The following TOM1L2 variants were observed in gnomAD, a reference collection of about 807,000 sequenced individuals.
TOM1L2 encodes target of myb1 like 2 membrane trafficking protein, also known as TOM1-like protein 2.
A neutral mutation model predicts 67.9 loss-of-function variants in TOM1L2; 31 were observed. The observed-to-expected ratio is 0.46, with a 90% confidence interval of 0.34 to 0.62. The LOEUF (loss-of-function observed/expected upper bound fraction) is 0.62, where lower values mean the gene tolerates loss of function less well. TOM1L2 is among the 20% of genes least tolerant of loss of function. The pLI is 0.01. For missense variants in TOM1L2, 606 were observed against 663.5 expected, an observed-to-expected ratio of 0.91 and a Z score of 0.95; for synonymous variants, 256 against 254.0, an observed-to-expected ratio of 1.01 and a Z score of -0.07.
chr17:17,881,065 C>G (rs866909370), intron 6 of TOM1L2, among the ~76,000 whole-genome samples: 3 of 152,196 alleles, frequency 2.0e-5, no homozygotes, highest in Middle Eastern at 3.2e-3. Flanking sequence ...CTTCTTAGGG[C>G]AGGAACTCAG....
chr17:17,851,947 C>G (rs1259290783), intron 12 of TOM1L2, among the ~76,000 whole-genome samples: 1 of 152,146 alleles, frequency 6.6e-6, no homozygotes, highest in Non-Finnish European at 1.5e-5. Flanking sequence ...AAGTTGCCAT[C>G]AAATATGACA....
chr17:17,876,219 T>C (rs1187397045), intron 7 of TOM1L2, among the ~76,000 whole-genome samples: 3 of 152,202 alleles, frequency 2.0e-5, no homozygotes, highest in Admixed American at 2.0e-4. Flanking sequence ...CAGGGACAGA[T>C]GCAGTGTCTT....
intron 12 of TOM1L2, chr17:17,857,724 G>A (rs936752301): frequency 3.3e-6 from 5 of 1,492,796 alleles, no homozygotes; most frequent in South Asian, 1.2e-5. Flanking sequence ...ACACAGGTAG[G>A]GGCTGGGGTG....
chr17:17,847,981 G>A (rs577517073), intron 14 of TOM1L2, among the ~76,000 whole-genome samples, 198 bp from the exon 15 acceptor site: 1 of 152,302 alleles, frequency 6.6e-6, no homozygotes, highest in East Asian at 1.9e-4. Context: ...GCCCTGGAGG[G>A]AAAGGCTCTG....
At chr17:17,940,964 G>A (rs994138396) in intron 1 of TOM1L2, among the ~76,000 whole-genome samples, 1 of 152,172 alleles carries the variant, frequency 6.6e-6, no homozygotes, top group African/African-American at 2.4e-5. Context: ...AATCATACTT[G>A]TAAGATTTGT....
rs1191853054 is a variant in TOM1L2, at chr17:17,844,202, T to A, written c.*3433A>T. On this transcript the variant is annotated 3_prime_UTR_variant, in exon 15 of 15. Transcript: ENST00000379504. ...TGGGCCCATGGCCTACCCCAAGCCA[T>A]CCAGAAGGCTGGGCCCAACTGAGTT... 1 of 152,010 alleles carries A rather than the reference T, an allele frequency of 6.6e-6. No homozygotes were observed. Among genetic ancestry groups the A allele is most frequent in the African/African-American group, 2.4e-5 (1 of 41,342 alleles). 9.4% of individuals were successfully genotyped at this position (152,010 alleles called of 1,614,324 possible).
intron 6 of TOM1L2, among the ~76,000 whole-genome samples, chr17:17,881,130 A>G (rs757682444): frequency 1.3e-5 from 2 of 152,160 alleles, no homozygotes; most frequent in Admixed American, 6.5e-5. Flanking sequence ...ACCTCAATCA[A>G]TGGTCTACCA....
At chr17:17,972,177 C>G (rs1420265787) in intron 1 of TOM1L2, 85 bp downstream of exon 1, 4 of 1,513,690 alleles carry the variant, frequency 2.6e-6, no homozygotes, top group Admixed American at 4.0e-5. Flanking sequence ...TGAAGTGGCA[C>G]CGGCGCCCGG....
chr17:17,847,504 C>T lies in TOM1L2; in HGVS notation c.*131G>A. On this transcript the variant is annotated 3_prime_UTR_variant, in exon 15 of 15. Transcript: ENST00000379504. ...GACTAGTGGGAGGCCTGGGAGCAGACACGGTGGCATTTCCATGGAAACACA... is the reference window on the plus strand; with the variant it reads ...GACTAGTGGGAGGCCTGGGAGCAGATACGGTGGCATTTCCATGGAAACACA... 8.0e-7 allele frequency: 1 copy of T among 1,255,580 alleles called. No individual in the cohort carries two copies. Among genetic ancestry groups the T allele is most frequent in the Non-Finnish European group, 1.1e-6 (1 of 923,618 alleles). The allele number at this position is 1,255,580 out of a possible 1,614,324, so 77.8% of individuals were successfully genotyped here.
At chr17:17,937,825 G>A (rs1362488784) in intron 1 of TOM1L2, among the ~76,000 whole-genome samples, 1 of 152,200 alleles carries the variant, frequency 6.6e-6, no homozygotes, top group Non-Finnish European at 1.5e-5. Context: ...GGGGCATGTG[G>A]AAAGGTTAGC....
At chr17:17,888,424 A>C (rs2038102322) in intron 4 of TOM1L2, among the ~76,000 whole-genome samples, 1 of 152,256 alleles carries the variant, frequency 6.6e-6, no homozygotes, top group African/African-American at 2.4e-5. Flanking sequence ...ATCAAATTTC[A>C]GACCAATAAA....
In TOM1L2 at chr17:17,882,741, C is replaced by T; in HGVS notation, c.624G>A (p.Leu208=). The T allele has an allele frequency of 6.2e-7, 1 of 1,614,208 alleles. No individual in the cohort carries two copies. The change falls in exon 6 of 15, where the codon CTG becomes CTA. Residue 208 remains leucine, a synonymous_variant. Coordinates refer to ENST00000379504, the MANE Select transcript of TOM1L2 (RefSeq NM_001082968.2). ...TGGCTGTGATGGGGCCAGTCACACT[C>T]AGAGCTGGGGCCTGCGGTGCGGAGT... The part of the protein sequence containing the change: ...APYSAPQAPA[L]SVTGPITANS...
intron 4 of TOM1L2, among the ~76,000 whole-genome samples, chr17:17,889,219 A>C (rs965394512): frequency 2.0e-5 from 3 of 152,206 alleles, no homozygotes; most frequent in African/African-American, 7.2e-5. Context: ...GAAAGCCCCC[A>C]TACGGGAAAG....
At chr17:17,920,872 G>A (rs4997327) in intron 1 of TOM1L2, among the ~76,000 whole-genome samples, 3,527 of 151,846 alleles carry the variant, frequency 0.023, 151 homozygotes, top group African/African-American at 0.08. Context: ...CTGACCTCAG[G>A]TGATCCACCC....
chr17:17,893,554 A>C, intron 4 of TOM1L2, 107 bp downstream of exon 4: 1 of 1,069,070 alleles, frequency 9.4e-7, no homozygotes, highest in Non-Finnish European at 1.3e-6. Context: ...TAAATGTAGA[A>C]GTCTCCATTT....
In TOM1L2 at chr17:17,970,432, A is replaced by C. The variant is rs200179098; in HGVS notation, c.52+1830T>G. Among the ~76,000 whole-genome samples, 25 of 152,298 alleles carry C rather than the reference A, an allele frequency of 1.6e-4. No homozygotes were observed. In the East Asian group the frequency reaches 3.7e-3, roughly 22 times the overall value. On this transcript the variant is annotated intron_variant, in intron 1 of 14. Coordinates refer to ENST00000379504, the MANE Select transcript of TOM1L2 (RefSeq NM_001082968.2). Reference sequence around the variant, plus strand: ...CTACCTTGTCATTTTAAAGGTGTAGAGCTTCCTATTATAAAGGGGACAGAA... The same window carrying C: ...CTACCTTGTCATTTTAAAGGTGTAGCGCTTCCTATTATAAAGGGGACAGAA...
chr17:17,908,634 A>C (rs1221113859), intron 1 of TOM1L2, among the ~76,000 whole-genome samples: 1 of 152,226 alleles, frequency 6.6e-6, no homozygotes, highest in African/African-American at 2.4e-5. Flanking sequence ...AAGGACTTCA[A>C]TAGACATTTC....
At chr17:17,891,538 G>A (rs1250001346) in intron 4 of TOM1L2, among the ~76,000 whole-genome samples, 1 of 152,182 alleles carries the variant, frequency 6.6e-6, no homozygotes, top group Non-Finnish European at 1.5e-5. Context: ...AGCAGGGACA[G>A]TGCAGTTCAC....
intron 10 of TOM1L2, 70 bp from the exon 11 acceptor site, chr17:17,862,918 C>CA: frequency 3.2e-6 from 3 of 941,744 alleles, no homozygotes; most frequent in Admixed American, 2.4e-5. Context: ...GAAGGGCCCC[C>CA]AAGCTAGGAC....
Sources: gnomAD v4.1 joint callset for allele counts (sites outside exome capture counted in the v4.1 genomes callset) on GRCh38, gnomAD v4.1.1 for gene constraint, MANE v1.5 for transcripts, NCBI Gene and HGNC (gene_info 2026-07-23, HGNC 2026-07-21) for gene names.